Variants in BCL9L observed in about 807,000 individuals in gnomAD.
The protein encoded by BCL9L is BCL9 like, also known as B-cell CLL/lymphoma 9-like protein.
A neutral mutation model predicts 99.4 loss-of-function variants in BCL9L; 19 were observed. The observed-to-expected ratio is 0.19, with a 90% CI of 0.13 to 0.28. The LOEUF is 0.28. Among genes scored for constraint, BCL9L ranks in the 10% least tolerant of loss-of-function variants. The pLI is 1.00. For missense variants in BCL9L, 2,023 were observed against 2,101.6 expected (o/e 0.96, Z 0.73); for synonymous variants, 900 against 854.8 (o/e 1.05, Z -0.92).
chr11:118,905,234 C>CTG (rs1432057857), intron 5 of BCL9L, among the ~76,000 whole-genome samples: 17 of 152,112 alleles, frequency 1.1e-4, no homozygotes, highest in African/African-American at 4.1e-4. Flanking sequence ...GCAGGCCGGG[C>CTG]ACGGTGGCTT....
intron 2 of BCL9L, among the ~76,000 whole-genome samples, chr11:118,911,065 G>C (rs1940774390): frequency 6.6e-6 from 1 of 152,190 alleles, no homozygotes; most frequent in Admixed American, 6.5e-5. Context: ...GGCCACAAGA[G>C]AGCCGAAGAA....
rs1459704237 is a variant in BCL9L, at chr11:118,900,792, C to G, written c.2951G>C (p.Ser984Thr). 1 of 1,613,796 alleles carries G rather than the reference C, an allele frequency of 6.2e-7. No individual in the cohort carries two copies. Among genetic ancestry groups the G allele is most frequent in the Non-Finnish European group, 8.5e-7 (1 of 1,179,942 alleles). ...GGGCGAGCCAGTGGGTGAACGGACA[C>G]TGAGGGAGGAGCCGAGGACCTGGGG... ...KSPQVLGSSL[S>T]VRSPTGSPSR... Residue 984 changes from serine (S) to threonine (T), a missense_variant, in exon 8 of 10, where the codon AGT becomes ACT. Ser to Thr is a moderately conservative substitution (Grantham distance 58, BLOSUM62 1). Coordinates refer to ENST00000683865, the MANE Select transcript of BCL9L (RefSeq NM_001378213.1). The surrounding 1 kb of genome is among the most constrained non-coding windows in gnomAD (Gnocchi z 5.3).
intron 1 of BCL9L, among the ~76,000 whole-genome samples, chr11:118,923,366 C>T (rs936391530): frequency 1.3e-5 from 2 of 152,164 alleles, no homozygotes; most frequent in African/African-American, 4.8e-5. Flanking sequence ...CTAGGGCTCC[C>T]GCTTAACCCA....
intron 2 of BCL9L, among the ~76,000 whole-genome samples, chr11:118,916,279 C>A (rs750105588): frequency 6.6e-6 from 1 of 152,208 alleles, no homozygotes; most frequent in Non-Finnish European, 1.5e-5. Flanking sequence ...AAGTCCAGGC[C>A]TCAGACCCAG....
In BCL9L at chr11:118,903,671, CAT is replaced by C. The variant is rs1410088831; in HGVS notation, c.533-221_533-220del. 6.6e-6 allele frequency among the ~76,000 whole-genome samples: 1 copy of C among 152,182 alleles called. No individual in the cohort carries two copies. The highest frequency in any genetic ancestry group is 1.5e-5 in the Non-Finnish European group (1 of 68,030). ...AAAATGTGTCCTCTCCACAGGCTCC[CAT>C]GGGCCTGGCATTCTGCTGGGGACTT... On this transcript the variant is annotated intron_variant, in intron 5 of 9. Coordinates refer to ENST00000683865, the MANE Select transcript of BCL9L (RefSeq NM_001378213.1). The surrounding 1 kb of genome is among the most constrained non-coding windows in gnomAD (Gnocchi z 5.6).
chr11:118,915,100 C>G (rs2134433368), intron 2 of BCL9L, among the ~76,000 whole-genome samples: 1 of 152,220 alleles, frequency 6.6e-6, no homozygotes, highest in East Asian at 1.9e-4. Context: ...CACCACTGCA[C>G]TCCAGCCTGG....
intron 2 of BCL9L, among the ~76,000 whole-genome samples, 181 bp downstream of exon 2, chr11:118,918,645 C>CAGAG (rs911730980): frequency 6.6e-6 from 1 of 151,758 alleles, no homozygotes; most frequent in Non-Finnish European, 1.5e-5. Context: ...CACCAGGAGC[C>CAGAG]AGAGGAGACC....
Position 118,903,217 on chromosome 11 carries a change from C to T in BCL9L, c.749+19G>A. The T allele has an allele frequency of 6.3e-7, 1 of 1,590,240 alleles. No individual in the cohort carries two copies. The highest frequency in any genetic ancestry group is 8.6e-7 in the Non-Finnish European group (1 of 1,169,480). On this transcript the variant is annotated intron_variant, in intron 6 of 9. Transcript: ENST00000683865. The surrounding 1 kb of genome is among the most constrained non-coding windows in gnomAD (Gnocchi z 5.6). ...GGGCAGAGAGAGAGAGAGACTTGGCCTGCCCACCAGGCACTTACGTGTTGG... is the reference window on the plus strand; with the variant it reads ...GGGCAGAGAGAGAGAGAGACTTGGCTTGCCCACCAGGCACTTACGTGTTGG...
Position 118,901,629 on chromosome 11 carries a change from C to T in BCL9L, c.2114G>A (p.Ser705Asn), listed in dbSNP as rs764210923. 4 of 1,613,844 alleles carry T rather than the reference C, an allele frequency of 2.5e-6. No individual in the cohort carries two copies. The highest frequency in any genetic ancestry group is 1.7e-5 in the Admixed American group (1 of 60,014). ...LGMAGSGMGQSMEMERMMQAH... is the reference protein window; with the variant it reads ...LGMAGSGMGQNMEMERMMQAH... ...CTGCATCATCCGCTCCATCTCCATGCTCTGTCCCATGCCACTGCCTGCCAT... is the reference window on the plus strand; with the variant it reads ...CTGCATCATCCGCTCCATCTCCATGTTCTGTCCCATGCCACTGCCTGCCAT... Residue 705 changes from serine to asparagine, a missense_variant, in exon 8 of 10, where the codon AGC (serine) becomes AAC (asparagine). Around this residue, in one of 3 missense-constraint regions of BCL9L, gnomAD observed 1,116 missense variants for 1,194.6 expected, o/e 0.93. Transcript: ENST00000683865. The surrounding 1 kb of genome is among the most constrained non-coding windows in gnomAD (Gnocchi z 6.6).
intron 3 of BCL9L, 122 bp downstream of exon 3, chr11:118,909,792 G>A (rs1288943298): frequency 1.3e-6 from 2 of 1,511,500 alleles, no homozygotes; most frequent in African/African-American, 1.4e-5. Flanking sequence ...CTGGTGGCCT[G>A]GGAGCCAGGT....
At position 118,925,846 on chromosome 11, in the gene BCL9L, CGCGCCGCCGCCTCCCCGGGCTCCCCT is replaced by C; in HGVS notation, c.-765_-740del. Reference sequence around the variant, plus strand: ...GCATGTCCAGCCACTGGCTCCGCCGCGCGCCGCCGCCTCCCCGGGCTCCCCTGCGCTGCCGGAGCCTCGCTTGCCCC... The same window carrying C: ...GCATGTCCAGCCACTGGCTCCGCCGCGCGCTGCCGGAGCCTCGCTTGCCCC... On this transcript the variant is annotated 5_prime_UTR_variant, in exon 1 of 10. Coordinates refer to ENST00000683865, the MANE Select transcript of BCL9L (RefSeq NM_001378213.1). This position sits in a 1 kb window ranked among gnomAD's most constrained non-coding sequence, Gnocchi z 6.4. Among the ~76,000 whole-genome samples, 1 of 151,328 alleles carries C rather than the reference CGCGCCGCCGCCTCCCCGGGCTCCCCT, an allele frequency of 6.6e-6. No individual in the cohort carries two copies. Among genetic ancestry groups the C allele is most frequent in the Admixed American group, 6.6e-5 (1 of 15,216 alleles).
rs777767215 is a variant in BCL9L at position 118,899,031 on chromosome 11, G to A, written c.3884C>T (p.Pro1295Leu). The A allele has an allele frequency of 1.5e-5, 24 of 1,613,420 alleles. No homozygotes were observed. Among genetic ancestry groups the A allele is most frequent in the East Asian group, 4.5e-5 (2 of 44,886 alleles). The change falls in exon 10 of 10, where the codon CCG becomes CTG. Residue 1295 changes from proline (P) to leucine (L), a missense_variant. Around this residue, in one of 3 missense-constraint regions of BCL9L, gnomAD observed 902 missense variants for 888.2 expected, o/e 1.02. Transcript: ENST00000683865. ...MAGRMGDAYP[P>L]GVLPGVASVL... ...TGATGCCACCCCAGGGAGCACACCC[G>A]GTGGGTATGCGTCGCCCATGCGCCC...
intron 2 of BCL9L, among the ~76,000 whole-genome samples, chr11:118,913,285 C>T (rs1196356312): frequency 6.6e-6 from 1 of 152,032 alleles, no homozygotes; most frequent in African/African-American, 2.4e-5. Flanking sequence ...CCCAGCTCCA[C>T]AGGACCAGGG....
intron 3 of BCL9L, among the ~76,000 whole-genome samples, chr11:118,909,388 T>G (rs957348936): frequency 1.3e-5 from 2 of 152,162 alleles, no homozygotes; most frequent in African/African-American, 4.8e-5. Context: ...GGAGACCTAT[T>G]AATAGCCGCT....
In BCL9L at chr11:118,902,041, G is replaced by A; in HGVS notation, c.1702C>T (p.Pro568Ser). The A allele has an allele frequency of 6.2e-7, 1 of 1,613,964 alleles. No homozygotes were observed. Among genetic ancestry groups the A allele is most frequent in the Non-Finnish European group, 8.5e-7 (1 of 1,179,994 alleles). The change falls in exon 8 of 10, where the codon CCT becomes TCT. Residue 568 changes from proline (P) to serine (S), a missense_variant. By Grantham distance (74) the Pro-to-Ser change is moderately conservative. Transcript: ENST00000683865. This position sits in a 1 kb window ranked among gnomAD's most constrained non-coding sequence, Gnocchi z 7.8. ...ATTCCAGGTGGCCACTGATCCCCAG[G>A]CTTGCTGTGGTAAGGAGGCGGGGGC... ...RGPPPPYHSK[P>S]GDQWPPGMGA...
rs544584314 is a variant in BCL9L at position 118,909,959 on chromosome 11, G to C, written c.-20C>G. On this transcript the variant is annotated 5_prime_UTR_variant, in exon 3 of 10. Transcript: ENST00000683865. ...CCTCATGGCTCCCACACACAGTGGG[G>C]CTACGGCCCCTGTGCGTGCCCAGGG... is the stretch of plus-strand genomic sequence containing the variant. The C allele has an allele frequency of 7.1e-5, 115 of 1,613,992 alleles. No homozygotes were observed. In the South Asian group the frequency reaches 1.2e-3, roughly 16 times the overall value.
At chr11:118,906,560 A>T (rs1940528535) in intron 5 of BCL9L, among the ~76,000 whole-genome samples, 1 of 152,252 alleles carries the variant, frequency 6.6e-6, no homozygotes, top group African/African-American at 2.4e-5. Flanking sequence ...TAAATAAAAC[A>T]GAGTAGCAAA....
At position 118,901,307 on chromosome 11, in the gene BCL9L, G is replaced by A. The variant is rs368154927; in HGVS notation, c.2436C>T (p.Leu812=). The change falls in exon 8 of 10, where the codon CTC becomes CTT. Residue 812 remains leucine (L), a synonymous_variant. Transcript: ENST00000683865. This position sits in a 1 kb window ranked among gnomAD's most constrained non-coding sequence, Gnocchi z 6.6. ...GPGDLMGPQG[L]SPEEMARVRA... The stretch of plus-strand genomic sequence containing the variant: ...GAACCCGGGCCATCTCCTCAGGACT[G>A]AGGCCCTGGGGCCCCATCAAGTCCC... 1.9e-6 allele frequency: 3 copies of A among 1,613,676 alleles called. No homozygotes were observed. The highest frequency in any genetic ancestry group is 1.3e-5 in the African/African-American group (1 of 74,906).
At chr11:118,913,878 C>T (rs1015760511) in intron 2 of BCL9L, among the ~76,000 whole-genome samples, 5 of 152,154 alleles carry the variant, frequency 3.3e-5, no homozygotes, top group East Asian at 1.9e-4. Context: ...TTAAATCCAC[C>T]GAAATCCTGA....
Sources: gnomAD v4.1 joint callset for allele counts (sites outside exome capture counted in the v4.1 genomes callset) on GRCh38, gnomAD v4.1.1 for gene constraint, gnomAD v4.1.1 regional missense constraint, Gnocchi (gnomAD v3.1) non-coding constraint, MANE v1.5 for transcripts, NCBI Gene and HGNC (gene_info 2026-07-23, HGNC 2026-07-21) for gene names.